Variants in ASCC3 observed in about 807,000 individuals in gnomAD.
The protein encoded by ASCC3 is ASC-1 complex subunit P200.
Under a neutral mutation model 256.3 loss-of-function variants are expected in ASCC3, and 158 were observed. The observed-to-expected ratio is 0.62, with a 90% confidence interval of 0.54 to 0.70. The LOEUF (loss-of-function observed/expected upper bound fraction) is 0.70, where lower values mean the gene tolerates loss of function less well. ASCC3 is among the 30% of genes least tolerant of loss of function. The pLI, the probability that ASCC3 is intolerant of heterozygous loss-of-function variation, is 0.00. For missense variants in ASCC3, 2,259 were observed against 2,626.0 expected (o/e 0.86, Z 3.05); for synonymous variants, 948 against 883.4 (o/e 1.07, Z -1.30).
At chr6:100,608,108 GTATATATATCTAT>G (rs1773036753) in intron 30 of ASCC3, among the ~76,000 whole-genome samples, 1 of 115,768 alleles carries the variant, frequency 8.6e-6, no homozygotes, top group South Asian at 2.5e-4. Context: ...ACATATATAT[GTATATATATCTAT>G]ATATACATAT....
chr6:100,540,109 AG>A, intron 37 of ASCC3, 53 bp downstream of exon 37: 2 of 1,487,572 alleles, frequency 1.3e-6, no homozygotes, highest in South Asian at 1.1e-5. Context: ...TAGAAAAAAG[AG>A]GGCAGGAATG....
chr6:100,818,660 G>C (rs189591288), intron 4 of ASCC3, among the ~76,000 whole-genome samples: 2 of 134,798 alleles, frequency 1.5e-5, no homozygotes, highest in Non-Finnish European at 3.1e-5. Flanking sequence ...AACCCACTAA[G>C]ATTAGAAATA....
chr6:100,613,217 C>G (rs945113044), intron 30 of ASCC3, among the ~76,000 whole-genome samples: 3 of 151,750 alleles, frequency 2.0e-5, no homozygotes, highest in Non-Finnish European at 4.4e-5. Flanking sequence ...GTACATTGTA[C>G]CCATTAAGTA....
At chr6:100,559,857 A>G (rs1218304288) in intron 36 of ASCC3, among the ~76,000 whole-genome samples, 1 of 151,906 alleles carries the variant, frequency 6.6e-6, no homozygotes, top group East Asian at 1.9e-4. Context: ...CTCAAAAAAA[A>G]AAAAAAAAAT....
intron 10 of ASCC3, among the ~76,000 whole-genome samples, chr6:100,748,039 A>G (rs1477255852): frequency 6.6e-6 from 1 of 152,042 alleles, no homozygotes; most frequent in Non-Finnish European, 1.5e-5. Context: ...TTAAAATAAG[A>G]GCCTTCTTTT....
intron 39 of ASCC3, among the ~76,000 whole-genome samples, chr6:100,514,257 C>T (rs553998960): frequency 7.0e-4 from 106 of 152,128 alleles, no homozygotes; most frequent in Non-Finnish European, 9.9e-4. Context: ...ATGGTCTATC[C>T]CCTGCTAGAA....
At chr6:100,631,863 A>T (rs964983225) in intron 25 of ASCC3, among the ~76,000 whole-genome samples, 1 of 151,988 alleles carries the variant, frequency 6.6e-6, no homozygotes, top group Non-Finnish European at 1.5e-5. Context: ...ATAGATCAAT[A>T]ACCACATATT....
At chr6:100,516,977 A>G (rs567379796) in intron 38 of ASCC3, among the ~76,000 whole-genome samples, 2 of 151,618 alleles carry the variant, frequency 1.3e-5, no homozygotes, top group South Asian at 4.2e-4. Context: ...CTGAAACCCT[A>G]CTCCCATAAC....
At chr6:100,758,323 G>A (rs1038472660) in intron 10 of ASCC3, among the ~76,000 whole-genome samples, 2 of 152,062 alleles carry the variant, frequency 1.3e-5, no homozygotes, top group African/African-American at 2.4e-5. Flanking sequence ...TGTGTGCCAC[G>A]GTGGTTTCCT....
chr6:100,674,830 A>G (rs964491753), intron 14 of ASCC3, among the ~76,000 whole-genome samples: 2 of 151,838 alleles, frequency 1.3e-5, no homozygotes, highest in Non-Finnish European at 2.9e-5. Flanking sequence ...ACGGGGTTTC[A>G]CCATGTTGCC....
At chr6:100,556,936 C>A (rs1469152779) in intron 36 of ASCC3, among the ~76,000 whole-genome samples, 2 of 151,716 alleles carry the variant, frequency 1.3e-5, no homozygotes, top group Non-Finnish European at 2.9e-5. Flanking sequence ...GAGGGAGGAG[C>A]CAAAGATTAC....
intron 37 of ASCC3, among the ~76,000 whole-genome samples, 183 bp from the exon 38 acceptor site, chr6:100,518,325 A>G (rs535830855): frequency 6.6e-6 from 1 of 152,304 alleles, no homozygotes; most frequent in South Asian, 2.1e-4. Context: ...AAATCTGATC[A>G]TAGCATTTAC....
At chr6:100,543,888 A>G (rs1019764583) in intron 36 of ASCC3, among the ~76,000 whole-genome samples, 3 of 152,138 alleles carry the variant, frequency 2.0e-5, no homozygotes, top group Admixed American at 6.5e-5. Context: ...ACACAACGCA[A>G]TAAGAGTTGA....
At position 100,805,763 on chromosome 6, in the gene ASCC3, G is replaced by C. The variant is rs1165438704; in HGVS notation, c.919C>G (p.Gln307Glu). 2.5e-6 allele frequency: 4 copies of C among 1,610,304 alleles called. No individual in the cohort carries two copies. In the Admixed American group the frequency reaches 6.7e-5, roughly 27 times the overall value. The change falls in exon 5 of 42, where the codon CAA becomes GAA. Residue 307 changes from glutamine to glutamate, a missense_variant. Physicochemically the swap from Gln to Glu is conservative, Grantham distance 29. Transcript: ENST00000369162. ...SSNDHRFQALQDNCKKILGEN... is the reference protein window; with the variant it reads ...SSNDHRFQALEDNCKKILGEN... ...TGACCACTGCATACTTTCTTACCTT[G>C]AAGAGCCTGAAACCTATGATCATTT...
intron 36 of ASCC3, among the ~76,000 whole-genome samples, chr6:100,581,920 T>A (rs1346192672): frequency 6.6e-6 from 1 of 152,060 alleles, no homozygotes; most frequent in African/African-American, 2.4e-5. Flanking sequence ...TTCTGAGGGC[T>A]CTGTTCTGTT....
intron 36 of ASCC3, among the ~76,000 whole-genome samples, chr6:100,572,423 AT>A (rs1770639245): frequency 6.6e-6 from 1 of 152,122 alleles, no homozygotes; most frequent in Middle Eastern, 3.2e-3. Flanking sequence ...ATTCTATGGT[AT>A]TTTTGTTTGT....
chr6:100,801,941 G>A (rs1769936753), intron 5 of ASCC3, among the ~76,000 whole-genome samples: 2 of 148,438 alleles, frequency 1.3e-5, no homozygotes, highest in Non-Finnish European at 3.0e-5. Context: ...GCGTAAAACT[G>A]TAAATATTTT....
intron 27 of ASCC3, among the ~76,000 whole-genome samples, chr6:100,628,782 G>C (rs1774383530): frequency 6.6e-6 from 1 of 151,918 alleles, no homozygotes; most frequent in Admixed American, 6.6e-5. Flanking sequence ...ATGGCAATGT[G>C]AGCACAGATT....
At chr6:100,702,088 G>A (rs747085425) in intron 13 of ASCC3, among the ~76,000 whole-genome samples, 19 of 152,158 alleles carry the variant, frequency 1.2e-4, no homozygotes, top group Admixed American at 2.0e-4. Flanking sequence ...GGTCTAGCTA[G>A]CTGCTATGTA....
Sources: gnomAD v4.1 joint callset for allele counts (sites outside exome capture counted in the v4.1 genomes callset) on GRCh38, gnomAD v4.1.1 for gene constraint, MANE v1.5 for transcripts, NCBI Gene and HGNC (gene_info 2026-07-23, HGNC 2026-07-21) for gene names.